The following ZNF644 variants were observed in gnomAD, a reference collection of about 807,000 sequenced individuals.
The protein encoded by ZNF644 is zinc finger motif enhancer binding protein 2.
Under a neutral mutation model 108.0 loss-of-function variants are expected in ZNF644, and 20 were observed. That is an observed-to-expected ratio of 0.19 (90% CI 0.13 to 0.27). The LOEUF is 0.27. ZNF644 is among the 10% of genes least tolerant of loss of function. The pLI is 1.00. For synonymous variants in ZNF644, 542 were observed against 539.1 expected, an observed-to-expected ratio of 1.01 and a Z score of -0.08; for missense variants, 1,338 against 1,548.9, an observed-to-expected ratio of 0.86 and a Z score of 2.29.
intron 1 of ZNF644, among the ~76,000 whole-genome samples, chr1:90,983,077 C>G (rs1375648364): frequency 2.6e-5 from 4 of 152,108 alleles, no homozygotes; most frequent in Admixed American, 2.6e-4. Context: ...GTCCCACACT[C>G]TACATATCTC....
intron 2 of ZNF644, among the ~76,000 whole-genome samples, chr1:90,943,662 T>C (rs913567479): frequency 6.6e-6 from 1 of 152,094 alleles, no homozygotes; most frequent in Non-Finnish European, 1.5e-5. Context: ...CAAACTTCTG[T>C]GGTAATAAAA....
rs1651741702 is a variant in ZNF644 at position 90,939,624 on chromosome 1, A to G, written c.1730T>C (p.Val577Ala). ...QKKTFMKDSV[V>A]GSSKKSATYI... ...GGTAGCTGATTTTTTGGATGATCCT[A>G]CTACAGAGTCTTTCATGAAAGTCTT... Residue 577 changes from valine to alanine, a missense_variant, in exon 3 of 6, where the codon GTA (valine) becomes GCA (alanine). Physicochemically the swap from Val to Ala is moderately conservative, Grantham distance 64 (BLOSUM62 0). Coordinates refer to ENST00000337393, the MANE Select transcript of ZNF644 (RefSeq NM_201269.3). 5 of 1,613,944 alleles carry G rather than the reference A, an allele frequency of 3.1e-6. No homozygotes were observed. The highest frequency in any genetic ancestry group is 4.2e-6 in the Non-Finnish European group (5 of 1,179,948).
chr1:91,003,052 G>A (rs1424811580), intron 1 of ZNF644, among the ~76,000 whole-genome samples: 2 of 152,222 alleles, frequency 1.3e-5, no homozygotes, highest in Admixed American at 1.3e-4. Context: ...AGAGGATGTG[G>A]AGAAATAGGA....
At chr1:90,991,246 T>C (rs1198270790) in intron 1 of ZNF644, among the ~76,000 whole-genome samples, 1 of 152,198 alleles carries the variant, frequency 6.6e-6, no homozygotes, top group Non-Finnish European at 1.5e-5. Flanking sequence ...TACACAGCTA[T>C]AAGAATGGCT....
intron 1 of ZNF644, among the ~76,000 whole-genome samples, chr1:91,018,058 G>A (rs1254128307): frequency 6.6e-6 from 1 of 152,210 alleles, no homozygotes; most frequent in Admixed American, 6.5e-5. Flanking sequence ...AGGCCTTAGA[G>A]ACAAGAAAAC....
chr1:90,970,369 T>C (rs1056006020), intron 2 of ZNF644, among the ~76,000 whole-genome samples: 6 of 152,192 alleles, frequency 3.9e-5, no homozygotes, highest in African/African-American at 1.4e-4. Flanking sequence ...CTAGCTGTGC[T>C]TCAGATAAAC....
chr1:90,958,835 T>A (rs1654024973), intron 2 of ZNF644, among the ~76,000 whole-genome samples: 1 of 152,102 alleles, frequency 6.6e-6, no homozygotes, highest in Admixed American at 6.5e-5. Flanking sequence ...GGACCAACAA[T>A]CTGAATATAA....
intron 2 of ZNF644, among the ~76,000 whole-genome samples, chr1:90,957,530 C>T (rs1192845432): frequency 1.3e-5 from 2 of 152,156 alleles, no homozygotes; most frequent in African/African-American, 4.8e-5. Context: ...AAAAACACTA[C>T]ATGATCATCT....
intron 2 of ZNF644, among the ~76,000 whole-genome samples, chr1:90,970,998 CAAA>C (rs61253802): frequency 1.1e-5 from 1 of 92,858 alleles, no homozygotes. Flanking sequence ...GACTCCATTT[CAAA>C]AAAAAAAAAA....
intron 1 of ZNF644, among the ~76,000 whole-genome samples, chr1:90,991,559 C>T (rs571004245): frequency 7.2e-5 from 11 of 152,258 alleles, no homozygotes; most frequent in East Asian, 3.9e-4. Flanking sequence ...CTCACAGTTC[C>T]GCAGGCTGTA....
chr1:90,930,240 T>A lies in ZNF644; in HGVS notation c.3688+7245A>T, dbSNP rs575841304. 2.8e-3 allele frequency among the ~76,000 whole-genome samples: 427 copies of A among 152,256 alleles called. 4 individuals carry two copies. Among genetic ancestry groups the A allele is most frequent in the African/African-American group, 9.8e-3 (408 of 41,546 alleles). ...GGCAGAGGTTGCAGTGAGCCGAGAC[T>A]GCACCATTGCACTCCAGCCTGGGCA... is the stretch of plus-strand genomic sequence containing the variant. On this transcript the variant is annotated intron_variant, in intron 4 of 5. Coordinates refer to ENST00000337393, the MANE Select transcript of ZNF644 (RefSeq NM_201269.3).
rs1388833782 is a variant in ZNF644, at chr1:91,021,610, GATCCTCCGAC to G, written c.-18+370_-18+379del. The G allele has an allele frequency of 1.9e-5, 3 of 162,146 alleles. No homozygotes were observed. The East Asian group carries it at 5.0e-4, about 27-fold the overall frequency. The allele number at this position is 162,146 out of a possible 1,614,324, so 10.0% of individuals were successfully genotyped here. A position where few individuals can be genotyped will look rare whatever the true frequency, so the allele number is the denominator to read the frequency against. On this transcript the variant is annotated intron_variant, in intron 1 of 5. Coordinates refer to ENST00000337393, the MANE Select transcript of ZNF644 (RefSeq NM_201269.3). Reference sequence around the variant, plus strand: ...CTCAGCCCCTTTGTGTCCGCTACCGGATCCTCCGACGCCGCAGCGGAAAGCCCCCCCCCCA... The same window carrying G: ...CTCAGCCCCTTTGTGTCCGCTACCGGGCCGCAGCGGAAAGCCCCCCCCCCA...
Position 90,939,396 on chromosome 1 carries a change from T to C in ZNF644, c.1958A>G (p.Lys653Arg), listed in dbSNP as rs761701536. The C allele has an allele frequency of 3.7e-5, 59 of 1,613,908 alleles. No homozygotes were observed. The highest frequency in any genetic ancestry group is 4.8e-5 in the Non-Finnish European group (57 of 1,179,964). Reference protein sequence around the residue: ...LTKQQSTTFPKNSALKQDVKR... With the variant: ...LTKQQSTTFPRNSALKQDVKR... ...CACATCTTGTTTTAAAGCAGAGTTC[T>C]TTGGAAATGTGGTTGACTGTTGTTT... is the stretch of plus-strand genomic sequence containing the variant. The change falls in exon 3 of 6, where the codon AAG (lysine) becomes AGG (arginine). Residue 653 changes from lysine (K) to arginine (R), a missense_variant. Transcript: ENST00000337393.
At chr1:91,014,794 G>C (rs1660288755) in intron 1 of ZNF644, among the ~76,000 whole-genome samples, 1 of 152,100 alleles carries the variant, frequency 6.6e-6, no homozygotes, top group Non-Finnish European at 1.5e-5. Flanking sequence ...TTAAAACTAG[G>C]AGATGAAACT....
At chr1:90,918,488 G>T in intron 4 of ZNF644, 2 of 213,520 alleles carry the variant, frequency 9.4e-6, no homozygotes, top group Non-Finnish European at 1.9e-5. Flanking sequence ...TTACAATAAT[G>T]GTAATCTTTA....
At chr1:91,013,476 CACACACAT>C (rs1216186230) in intron 1 of ZNF644, among the ~76,000 whole-genome samples, 176 of 148,578 alleles carry the variant, frequency 1.2e-3, no homozygotes, top group Admixed American at 3.6e-3. Flanking sequence ...CACACACACA[CACACACAT>C]ACACACACAC....
At chr1:90,926,884 T>C (rs1650096591) in intron 4 of ZNF644, among the ~76,000 whole-genome samples, 3 of 152,164 alleles carry the variant, frequency 2.0e-5, no homozygotes, top group African/African-American at 7.2e-5. Flanking sequence ...TTCAAAAGCA[T>C]TACACAAATT....
chr1:91,012,459 CAGACTG>C (rs1660045649), intron 1 of ZNF644, among the ~76,000 whole-genome samples: 1 of 151,098 alleles, frequency 6.6e-6, no homozygotes, highest in South Asian at 2.1e-4. Context: ...GCTAGGGTGA[CAGACTG>C]AGACCCTGTC....
chr1:90,967,933 C>G (rs1382207030), intron 2 of ZNF644, among the ~76,000 whole-genome samples: 1 of 149,892 alleles, frequency 6.7e-6, no homozygotes, highest in African/African-American at 2.5e-5. Context: ...TGGTGGCAGG[C>G]ACCTGTAATC....
Sources: gnomAD v4.1 joint callset for allele counts (sites outside exome capture counted in the v4.1 genomes callset) on GRCh38, gnomAD v4.1.1 for gene constraint, MANE v1.5 for transcripts, NCBI Gene and HGNC (gene_info 2026-07-23, HGNC 2026-07-21) for gene names.